Variants in DNAJC25 observed in about 807,000 individuals in gnomAD.
The protein encoded by DNAJC25 is dnaJ homolog subfamily C member 25.
A neutral mutation model predicts 42.1 loss-of-function variants in DNAJC25; 26 were observed. The ratio of observed to expected loss-of-function variants is 0.62; its 90% CI spans 0.45 to 0.86. DNAJC25 has a LOEUF of 0.86. Among genes scored for constraint, DNAJC25 ranks in the 40% least tolerant of loss-of-function variants. The pLI is 0.00. For missense variants in DNAJC25, 404 were observed against 459.4 expected (o/e 0.88, Z 1.10); for synonymous variants, 189 against 179.9 (o/e 1.05, Z -0.40).
At chr9:111,651,332 A>G (rs1239311670) in intron 3 of DNAJC25, among the ~76,000 whole-genome samples, 3 of 151,440 alleles carry the variant, frequency 2.0e-5, no homozygotes, top group Non-Finnish European at 4.4e-5. Flanking sequence ...CTCCTAAACT[A>G]TTTGAAAAGC....
Position 111,640,951 on chromosome 9 carries a change from G to A in DNAJC25, c.337-6156G>A, listed in dbSNP as rs1441553625. 3.0e-5 allele frequency among the ~76,000 whole-genome samples: 3 copies of A among 100,064 alleles called. 1 individual carries two copies. Among genetic ancestry groups the A allele is most frequent in the Non-Finnish European group, 5.4e-5 (3 of 55,106 alleles). The allele number at this position is 100,064 out of a possible 152,430, so 65.6% of individuals were successfully genotyped here. ...CAGCCGTGCCGTCCGGGAGGGAGGTGGGGGGGTCAGCCCCCCGCCTGGCCA... is the reference window on the plus strand; with the variant it reads ...CAGCCGTGCCGTCCGGGAGGGAGGTAGGGGGGTCAGCCCCCCGCCTGGCCA... On this transcript the variant is annotated intron_variant, in intron 1 of 3. Coordinates refer to ENST00000313525, the MANE Select transcript of DNAJC25 (RefSeq NM_001015882.3).
intron 1 of DNAJC25, among the ~76,000 whole-genome samples, chr9:111,645,037 G>A (rs1186143532): frequency 6.6e-6 from 1 of 152,162 alleles, no homozygotes; most frequent in Non-Finnish European, 1.5e-5. Context: ...TGACTGAAGA[G>A]AACATACAAG....
chr9:111,647,057 G>A, intron 1 of DNAJC25, 50 bp from the exon 2 acceptor site: 1 of 1,537,642 alleles, frequency 6.5e-7, no homozygotes, highest in Non-Finnish European at 8.8e-7. Context: ...TATAAACTAA[G>A]GCCATTTAAT....
chr9:111,632,495 A>G (rs1307067707), intron 1 of DNAJC25, among the ~76,000 whole-genome samples: 1 of 152,162 alleles, frequency 6.6e-6, no homozygotes, highest in Non-Finnish European at 1.5e-5. Flanking sequence ...TTTGTATTTC[A>G]TTTGACAGGT....
intron 1 of DNAJC25, among the ~76,000 whole-genome samples, chr9:111,637,413 G>A (rs1830380078): frequency 6.6e-6 from 1 of 151,984 alleles, no homozygotes; most frequent in Non-Finnish European, 1.5e-5. Flanking sequence ...AATGGTTTGG[G>A]GAGGGCAAAA....
intron 3 of DNAJC25, among the ~76,000 whole-genome samples, chr9:111,650,811 A>G (rs1287581801): frequency 1.3e-5 from 2 of 152,154 alleles, no homozygotes; most frequent in Non-Finnish European, 2.9e-5. Context: ...CTGCTTAAGA[A>G]GTCTGAGATA....
At chr9:111,641,668 G>A (rs1830470656) in intron 1 of DNAJC25, among the ~76,000 whole-genome samples, 1 of 132,678 alleles carries the variant, frequency 7.5e-6, no homozygotes, top group Non-Finnish European at 1.6e-5. Flanking sequence ...CCGTCCGGGA[G>A]GGAGGTGGGG....
chr9:111,647,319 G>A, intron 2 of DNAJC25, 60 bp downstream of exon 2: 9 of 1,560,944 alleles, frequency 5.8e-6, no homozygotes, highest in Non-Finnish European at 7.8e-6. Flanking sequence ...ATTGCCTAGT[G>A]CTAGTCATTA....
At chr9:111,645,379 C>T (rs141985727) in intron 1 of DNAJC25, among the ~76,000 whole-genome samples, 20 of 152,012 alleles carry the variant, frequency 1.3e-4, no homozygotes, top group Middle Eastern at 3.4e-3. Context: ...CTCAGCCTCC[C>T]GAGTAGCTGG....
intron 3 of DNAJC25, among the ~76,000 whole-genome samples, chr9:111,651,927 C>T (rs1194754541): frequency 1.3e-5 from 2 of 150,954 alleles, no homozygotes; most frequent in African/African-American, 2.4e-5. Flanking sequence ...ATTTAACCTT[C>T]TTTGGAAACT....
rs1450333835 is a variant in DNAJC25 at position 111,631,576 on chromosome 9, A to G, written c.169A>G (p.Ser57Gly). The G allele has an allele frequency of 1.4e-6, 2 of 1,453,364 alleles. No homozygotes were observed. The highest frequency in any genetic ancestry group is 1.8e-6 in the Non-Finnish European group (2 of 1,112,108). 90.0% of individuals were successfully genotyped at this position (1,453,364 alleles called of 1,614,324 possible). The change falls in exon 1 of 4, where the codon AGC becomes GGC. Residue 57 changes from serine (S) to glycine (G), a missense_variant. By Grantham distance (56) the Ser-to-Gly change is moderately conservative (BLOSUM62 0). Coordinates refer to ENST00000313525, the MANE Select transcript of DNAJC25 (RefSeq NM_001015882.3). Reference protein sequence around the residue: ...TRDCYEVLGVSRSAGKAEIAR... With the variant: ...TRDCYEVLGVGRSAGKAEIAR... ...GGACTGCTACGAGGTGCTGGGCGTG[A>G]GCCGCTCGGCGGGCAAGGCGGAGAT... is the stretch of plus-strand genomic sequence containing the variant.
At chr9:111,632,436 G>A (rs1830298297) in intron 1 of DNAJC25, among the ~76,000 whole-genome samples, 1 of 152,058 alleles carries the variant, frequency 6.6e-6, no homozygotes, top group South Asian at 2.1e-4. Context: ...TAATGACTTG[G>A]GTACAAAACT....
chr9:111,646,666 G>A (rs777419759), intron 1 of DNAJC25, among the ~76,000 whole-genome samples: 1 of 152,062 alleles, frequency 6.6e-6, no homozygotes, highest in South Asian at 2.1e-4. Context: ...AGTTTTGTAG[G>A]CACAGACTGG....
At chr9:111,647,038 T>A in intron 1 of DNAJC25, 69 bp from the exon 2 acceptor site, 1 of 1,459,116 alleles carries the variant, frequency 6.9e-7, no homozygotes, top group East Asian at 2.4e-5. Context: ...TATATGTGAT[T>A]TAACAGATTA....
chr9:111,650,318 C>T (rs1318697511), intron 3 of DNAJC25, among the ~76,000 whole-genome samples: 2 of 144,106 alleles, frequency 1.4e-5, no homozygotes, highest in Non-Finnish European at 3.0e-5. Context: ...AAAAAAACAA[C>T]AGAGTAAGAC....
At chr9:111,639,957 C>A (rs1044575637) in intron 1 of DNAJC25, among the ~76,000 whole-genome samples, 1 of 148,568 alleles carries the variant, frequency 6.7e-6, no homozygotes, top group South Asian at 2.2e-4. Flanking sequence ...TCTCCGTCTC[C>A]GTCTCCCCAT....
intron 1 of DNAJC25, among the ~76,000 whole-genome samples, chr9:111,641,640 C>G (rs1387833539): frequency 2.3e-5 from 3 of 133,262 alleles, no homozygotes; most frequent in Admixed American, 7.3e-5. Flanking sequence ...GGGTCAGCCC[C>G]CCGCCCGGCC....
At chr9:111,642,603 C>CAGTAAAAA (rs375228166) in intron 1 of DNAJC25, among the ~76,000 whole-genome samples, 2 of 109,266 alleles carry the variant, frequency 1.8e-5, no homozygotes, top group African/African-American at 1.1e-4. Context: ...CAAGAATTAT[C>CAGTAAAAA]AATAAATAAA....
In DNAJC25 at chr9:111,653,355, A is replaced by G; in HGVS notation, c.*133A>G. ...CCTCAAGTATTTGATTAAACAGAAT[A>G]ATGTCAAAATTTAAACCTTCCCTTA... On this transcript the variant is annotated 3_prime_UTR_variant, in exon 4 of 4. Coordinates refer to ENST00000313525, the MANE Select transcript of DNAJC25 (RefSeq NM_001015882.3). 9.1e-7 allele frequency: 1 copy of G among 1,094,948 alleles called. No individual in the cohort carries two copies. The highest frequency in any genetic ancestry group is 1.2e-6 in the Non-Finnish European group (1 of 840,008). The allele number at this position is 1,094,948 out of a possible 1,614,324, so 67.8% of individuals were successfully genotyped here.
Sources: allele counts gnomAD v4.1 joint callset (sites outside exome capture counted in the v4.1 genomes callset), GRCh38; gene constraint gnomAD v4.1.1; transcripts MANE v1.5; gene names NCBI Gene and HGNC (gene_info 2026-07-23, HGNC 2026-07-21).